ACACA: variants seen among roughly 807,000 people sequenced by gnomAD.
The protein encoded by ACACA is acetyl-CoA carboxylase alpha.
A neutral mutation model predicts 296.1 loss-of-function variants in ACACA; 103 were observed. That is an observed-to-expected ratio of 0.35 (90% confidence interval 0.30 to 0.41). The LOEUF is 0.41. Ranked by LOEUF, ACACA falls within the 10% of genes least tolerant of loss-of-function variation. ACACA has a pLI of 1.00. For missense variants in ACACA, 1,554 were observed against 2,989.7 expected (o/e 0.52, Z 11.20); for synonymous variants, 953 against 1,038.6 (o/e 0.92, Z 1.58).
chr17:37,388,596 T>G (rs1288678089), intron 1 of ACACA: 2 of 1,506,830 alleles, frequency 1.3e-6, no homozygotes, highest in East Asian at 4.7e-5. Flanking sequence ...CAGAAGAACT[T>G]CAGGTCAAAG....
At chr17:37,099,819 T>G (rs2073254099) in intron 52 of ACACA, among the ~76,000 whole-genome samples, 1 of 152,010 alleles carries the variant, frequency 6.6e-6, no homozygotes, top group Non-Finnish European at 1.5e-5. Context: ...CCTGGAGAAA[T>G]AGCTGATTCT....
intron 1 of ACACA, among the ~76,000 whole-genome samples, chr17:37,400,087 G>A (rs1378386617): frequency 6.6e-6 from 1 of 151,880 alleles, no homozygotes; most frequent in Non-Finnish European, 1.5e-5. Flanking sequence ...TACTCTCTTA[G>A]CAATTTTCAA....
chr17:37,297,760 A>G (rs1234874229), intron 3 of ACACA, among the ~76,000 whole-genome samples: 3 of 152,014 alleles, frequency 2.0e-5, no homozygotes, highest in Non-Finnish European at 4.4e-5. Flanking sequence ...CATGTTGGCC[A>G]GGCTGGTCTC....
chr17:37,156,250 C>T (rs138813713), intron 42 of ACACA, among the ~76,000 whole-genome samples: 4 of 151,514 alleles, frequency 2.6e-5, no homozygotes, highest in East Asian at 3.9e-4. Flanking sequence ...TTTTTAGTAG[C>T]GACAGGGTTT....
chr17:37,210,630 T>A lies in ACACA; in HGVS notation c.3684-140A>T, dbSNP rs188253856. 6.6e-5 allele frequency: 50 copies of A among 762,934 alleles called. No individual in the cohort carries two copies. The African/African-American group carries it at 7.5e-4, about 12-fold the overall frequency. The allele number at this position is 762,934 out of a possible 1,614,324, so 47.3% of individuals were successfully genotyped here. On this transcript the variant is annotated intron_variant, in intron 29 of 55. Coordinates refer to ENST00000616317, the MANE Select transcript of ACACA (RefSeq NM_198834.3). Reference sequence around the variant, plus strand: ...TTCAGCAGACATAATTAAGTGCTCATTACCCTTCAACCCCCAGGATACCTC... The same window carrying A: ...TTCAGCAGACATAATTAAGTGCTCAATACCCTTCAACCCCCAGGATACCTC...
At chr17:37,150,305 GT>G (rs1261618161) in intron 44 of ACACA, among the ~76,000 whole-genome samples, 1 of 152,072 alleles carries the variant, frequency 6.6e-6, no homozygotes, top group Non-Finnish European at 1.5e-5. Flanking sequence ...ACTTTGGAAG[GT>G]TGAGGCTGGT....
At chr17:37,250,441 C>T (rs1368797959) in intron 16 of ACACA, among the ~76,000 whole-genome samples, 3 of 152,158 alleles carry the variant, frequency 2.0e-5, no homozygotes, top group South Asian at 4.2e-4. Flanking sequence ...AGATCGAGAC[C>T]ATCCTGGCCA....
intron 39 of ACACA, among the ~76,000 whole-genome samples, chr17:37,183,985 T>C (rs1184658658): frequency 4.6e-5 from 7 of 151,492 alleles, no homozygotes; most frequent in Non-Finnish European, 7.4e-5. Context: ...CCCGAGTAGC[T>C]GGGATTACAG....
intron 39 of ACACA, among the ~76,000 whole-genome samples, chr17:37,182,371 G>A (rs953071625): frequency 6.6e-6 from 1 of 151,272 alleles, no homozygotes; most frequent in South Asian, 2.1e-4. Flanking sequence ...ATATATACAT[G>A]TATTTACTTC....
At chr17:37,183,237 A>G (rs1021708318) in intron 39 of ACACA, among the ~76,000 whole-genome samples, 1 of 152,232 alleles carries the variant, frequency 6.6e-6, no homozygotes, top group Non-Finnish European at 1.5e-5. Context: ...GTTAAGCAAC[A>G]TAATTGTGCA....
chr17:37,096,914 G>A (rs2073027588), intron 54 of ACACA, 82 bp downstream of exon 54: 1 of 1,546,522 alleles, frequency 6.5e-7, no homozygotes, highest in South Asian at 1.1e-5. Context: ...GAGGCCTGTG[G>A]ACTCTTTGCT....
At chr17:37,248,480 A>T in intron 17 of ACACA, 113 bp downstream of exon 17, 1 of 845,814 alleles carries the variant, frequency 1.2e-6, no homozygotes, top group Admixed American at 1.9e-5. Context: ...TAATGACGGT[A>T]ATTTCACTAA....
At chr17:37,365,270 AT>A (rs1483992101) in intron 1 of ACACA, among the ~76,000 whole-genome samples, 1 of 152,146 alleles carries the variant, frequency 6.6e-6, no homozygotes, top group East Asian at 1.9e-4. Context: ...ACAGTTCAGA[AT>A]TTAATTAGGA....
intron 40 of ACACA, among the ~76,000 whole-genome samples, chr17:37,180,706 CCCACA>C (rs2077287061): frequency 2.0e-5 from 3 of 152,156 alleles, no homozygotes; most frequent in Admixed American, 2.0e-4. Flanking sequence ...TAACAAATCT[CCCACA>C]AAAGAACTTA....
intron 1 of ACACA, among the ~76,000 whole-genome samples, chr17:37,382,048 CT>C (rs1403267024): frequency 1.3e-5 from 2 of 151,928 alleles, no homozygotes; most frequent in Non-Finnish European, 2.9e-5. Context: ...TCTCTTTTTT[CT>C]TTTAATAAAT....
At chr17:37,245,297 CA>C (rs1313686132) in intron 19 of ACACA, 83 bp from the exon 20 acceptor site, 1 of 1,456,700 alleles carries the variant, frequency 6.9e-7, no homozygotes, top group East Asian at 2.3e-5. Context: ...TTTCCCTTAG[CA>C]TCTAAGTTGG....
At chr17:37,300,147 A>G (rs1377443497) in intron 3 of ACACA, among the ~76,000 whole-genome samples, 1 of 152,176 alleles carries the variant, frequency 6.6e-6, no homozygotes, top group Non-Finnish European at 1.5e-5. Context: ...TGTGGGTTAA[A>G]CCCTTAAAAG....
chr17:37,372,435 A>G (rs1254172915), intron 1 of ACACA, among the ~76,000 whole-genome samples: 2 of 150,598 alleles, frequency 1.3e-5, no homozygotes, highest in Non-Finnish European at 2.9e-5. Flanking sequence ...AAAAAAGAGT[A>G]GCATAGTGTG....
chr17:37,128,034 A>C (rs1194332653), intron 47 of ACACA, among the ~76,000 whole-genome samples: 2 of 147,546 alleles, frequency 1.4e-5, no homozygotes, highest in African/African-American at 4.9e-5. Flanking sequence ...CAAAAAAAAA[A>C]AAAAAAAAAA....
Sources: allele counts gnomAD v4.1 joint callset (sites outside exome capture counted in the v4.1 genomes callset), GRCh38; gene constraint gnomAD v4.1.1; transcripts MANE v1.5; gene names NCBI Gene and HGNC (gene_info 2026-07-23, HGNC 2026-07-21).